PAQR5: variants seen among roughly 807,000 people sequenced by gnomAD.
PAQR5 encodes membrane progestin receptor gamma.
Under a neutral mutation model 34.5 loss-of-function variants are expected in PAQR5, and 20 were observed. The ratio of observed to expected loss-of-function variants is 0.58; its 90% CI spans 0.41 to 0.84. The LOEUF (loss-of-function observed/expected upper bound fraction) is 0.84, where lower values mean the gene tolerates loss of function less well. Ranked by LOEUF, PAQR5 falls within the 40% of genes least tolerant of loss-of-function variation. PAQR5 has a pLI of 0.00. For synonymous variants in PAQR5, 131 were observed against 155.6 expected (o/e 0.84, Z 1.18); for missense variants, 378 against 412.7 (o/e 0.92, Z 0.73).
At chr15:69,309,210 C>T (rs370446872) in intron 1 of PAQR5, among the ~76,000 whole-genome samples, 6 of 152,066 alleles carry the variant, frequency 3.9e-5, no homozygotes, top group African/African-American at 1.4e-4. Flanking sequence ...GAGGGCCTGG[C>T]AGGAAGCAGC....
rs1282344806 is a variant in PAQR5 at position 69,382,634 on chromosome 15, ACT to A, written c.180-2040_180-2039del. 6.5e-5 allele frequency among the ~76,000 whole-genome samples: 4 copies of A among 61,796 alleles called. 1 individual carries two copies. Among genetic ancestry groups the A allele is most frequent in the South Asian group, 1.2e-3 (2 of 1,656 alleles). 40.5% of individuals were successfully genotyped at this position (61,796 alleles called of 152,430 possible). A position where few individuals can be genotyped will look rare whatever the true frequency, so the allele number is the denominator to read the frequency against. Reference sequence around the variant, plus strand: ...CACTCCAGCCTGGTGACAGAGCAAGACTCTGTCTCAAAAAAAAAAAAAAGCAT... The same window carrying A: ...CACTCCAGCCTGGTGACAGAGCAAGACTGTCTCAAAAAAAAAAAAAAGCAT... On this transcript the variant is annotated intron_variant, in intron 4 of 8. Transcript: ENST00000395407.
chr15:69,395,073 A>G (rs1266774432), intron 6 of PAQR5, among the ~76,000 whole-genome samples: 1 of 152,114 alleles, frequency 6.6e-6, no homozygotes, highest in East Asian at 1.9e-4. Flanking sequence ...AAGTGGCCAC[A>G]GGGGCCCTTT....
intron 4 of PAQR5, among the ~76,000 whole-genome samples, chr15:69,384,443 G>A (rs1419149085): frequency 1.3e-4 from 7 of 53,500 alleles, no homozygotes; most frequent in East Asian, 5.2e-4. Context: ...AGGGTGAGCG[G>A]GCCCTCCGTG....
intron 1 of PAQR5, among the ~76,000 whole-genome samples, chr15:69,303,759 G>T (rs1051368684): frequency 2.6e-5 from 4 of 152,300 alleles, no homozygotes; most frequent in South Asian, 2.1e-4. Flanking sequence ...AAGCCTTGGG[G>T]TTCTGAGGCC....
intron 1 of PAQR5, among the ~76,000 whole-genome samples, chr15:69,326,341 G>A (rs559057889): frequency 5.9e-4 from 89 of 152,112 alleles, no homozygotes; most frequent in African/African-American, 1.4e-3. Flanking sequence ...GCTGCATCCC[G>A]TTCTTTCCAT....
intron 1 of PAQR5, among the ~76,000 whole-genome samples, chr15:69,299,405 C>G (rs2053472384): frequency 6.6e-6 from 1 of 152,214 alleles, no homozygotes; most frequent in Non-Finnish European, 1.5e-5. Context: ...TCCACCGCCC[C>G]CCTCCCGCCG....
intron 6 of PAQR5, among the ~76,000 whole-genome samples, chr15:69,395,901 A>C (rs1305725197): frequency 6.6e-6 from 1 of 151,988 alleles, no homozygotes; most frequent in Non-Finnish European, 1.5e-5. Flanking sequence ...GCTGGAGTGA[A>C]GTTGGGGTTT....
At chr15:69,377,860 G>T (rs2055751720) in intron 3 of PAQR5, among the ~76,000 whole-genome samples, 1 of 152,146 alleles carries the variant, frequency 6.6e-6, no homozygotes, top group Non-Finnish European at 1.5e-5. Flanking sequence ...GGGCACAATG[G>T]CTCACACCTC....
intron 2 of PAQR5, among the ~76,000 whole-genome samples, chr15:69,345,217 TA>T (rs879739852): frequency 7.9e-5 from 12 of 152,174 alleles, no homozygotes; most frequent in Non-Finnish European, 1.8e-4. Flanking sequence ...ATATTGAATA[TA>T]TTTAGGGGTT....
chr15:69,368,074 G>A (rs1754952367), intron 3 of PAQR5, among the ~76,000 whole-genome samples: 1 of 141,090 alleles, frequency 7.1e-6, no homozygotes, highest in Non-Finnish European at 1.6e-5. Flanking sequence ...TTTTTTTTTA[G>A]ACCAAGTCTT....
At chr15:69,338,020 C>A (rs780350616) in intron 2 of PAQR5, among the ~76,000 whole-genome samples, 1 of 152,022 alleles carries the variant, frequency 6.6e-6, no homozygotes, top group Non-Finnish European at 1.5e-5. Flanking sequence ...GAGGCTGCAG[C>A]GAGCTGAGAT....
chr15:69,368,346 CGTCT>C (rs2055459726), intron 3 of PAQR5, among the ~76,000 whole-genome samples: 1 of 152,222 alleles, frequency 6.6e-6, no homozygotes, highest in African/African-American at 2.4e-5. Context: ...AGCCACTGTG[CGTCT>C]GCTTTTAACT....
chr15:69,357,714 C>T (rs11072089), intron 2 of PAQR5, among the ~76,000 whole-genome samples: 122,578 of 152,118 alleles, frequency 0.81, 52,347 homozygotes, highest in Non-Finnish European at 0.96. Flanking sequence ...ATATTTACGA[C>T]GGTGAAATAA....
intron 2 of PAQR5, among the ~76,000 whole-genome samples, chr15:69,348,945 T>G (rs913642918): frequency 6.6e-6 from 1 of 152,176 alleles, no homozygotes; most frequent in Non-Finnish European, 1.5e-5. Context: ...AATTTTCTAT[T>G]TAATATTTTT....
At chr15:69,303,756 G>A (rs1285369575) in intron 1 of PAQR5, among the ~76,000 whole-genome samples, 1 of 152,156 alleles carries the variant, frequency 6.6e-6, no homozygotes, top group Non-Finnish European at 1.5e-5. Flanking sequence ...GGGAAGCCTT[G>A]GGGTTCTGAG....
At chr15:69,356,303 G>T (rs746321107) in intron 2 of PAQR5, among the ~76,000 whole-genome samples, 1 of 152,100 alleles carries the variant, frequency 6.6e-6, no homozygotes, top group Non-Finnish European at 1.5e-5. Context: ...GAGTGTGCAC[G>T]GCTTGGTGAT....
chr15:69,356,979 G>T (rs1329685181), intron 2 of PAQR5, among the ~76,000 whole-genome samples: 2 of 146,054 alleles, frequency 1.4e-5, no homozygotes, highest in Non-Finnish European at 2.9e-5. Context: ...ATCCCTCGTG[G>T]CTTGGTGCTG....
At chr15:69,338,274 T>C (rs2054557834) in intron 2 of PAQR5, among the ~76,000 whole-genome samples, 2 of 152,138 alleles carry the variant, frequency 1.3e-5, no homozygotes, top group South Asian at 4.1e-4. Flanking sequence ...TAGTATACTG[T>C]TGTTAGCTGT....
chr15:69,335,542 GTTTTTT>G (rs56712868), intron 1 of PAQR5, among the ~76,000 whole-genome samples: 1 of 61,102 alleles, frequency 1.6e-5, no homozygotes, highest in Non-Finnish European at 2.9e-5. Context: ...ACCGCATCCA[GTTTTTT>G]TTTTTTTTTT....
Sources: gnomAD v4.1 joint callset for allele counts (sites outside exome capture counted in the v4.1 genomes callset) on GRCh38, gnomAD v4.1.1 for gene constraint, MANE v1.5 for transcripts, NCBI Gene and HGNC (gene_info 2026-07-23, HGNC 2026-07-21) for gene names.